Variants in ADCY5 observed in about 807,000 individuals in gnomAD.
ADCY5 encodes the protein adenylate cyclase type 5.
Under a neutral mutation model 119.7 loss-of-function variants are expected in ADCY5, and 30 were observed. The observed-to-expected ratio is 0.25, with a 90% CI of 0.19 to 0.34. The LOEUF is 0.34. Among genes scored for constraint, ADCY5 ranks in the 10% least tolerant of loss-of-function variants. The pLI is 1.00. For missense variants in ADCY5, 1,324 were observed against 1,775.2 expected (o/e 0.75, Z 4.57); for synonymous variants, 753 against 762.2 (o/e 0.99, Z 0.20).
chr3:123,361,030 G>A (rs891714951), intron 1 of ADCY5, among the ~76,000 whole-genome samples: 55 of 152,204 alleles, frequency 3.6e-4, no homozygotes, highest in East Asian at 1.2e-3. Flanking sequence ...CTACTCTACT[G>A]TACTAAGCTG....
chr3:123,374,037 G>C (rs1043925248), intron 1 of ADCY5, among the ~76,000 whole-genome samples: 3 of 152,162 alleles, frequency 2.0e-5, no homozygotes, highest in Non-Finnish European at 4.4e-5. Flanking sequence ...GGTTAAGGTA[G>C]AAAACACAGG....
chr3:123,439,616 C>A (rs1945688370), intron 1 of ADCY5, among the ~76,000 whole-genome samples: 1 of 149,502 alleles, frequency 6.7e-6, no homozygotes, highest in African/African-American at 2.5e-5. Context: ...TGGTACTATC[C>A]ACGATTTTAG....
intron 9 of ADCY5, among the ~76,000 whole-genome samples, chr3:123,320,304 G>A (rs1414246125): frequency 6.6e-6 from 1 of 152,198 alleles, no homozygotes; most frequent in Non-Finnish European, 1.5e-5. Flanking sequence ...TCATAGACTT[G>A]GAGTGCTGAC....
intron 19 of ADCY5, chr3:123,287,210 A>C: frequency 6.3e-6 from 1 of 159,998 alleles, no homozygotes; most frequent in Non-Finnish European, 1.4e-5. Context: ...TGCCCAACTC[A>C]TCGCCCTGTG....
chr3:123,321,375 C>A (rs1208347520), intron 8 of ADCY5, among the ~76,000 whole-genome samples: 1 of 152,166 alleles, frequency 6.6e-6, no homozygotes, highest in Admixed American at 6.5e-5. Context: ...AACCCACCTG[C>A]CACAGATCTG....
rs577676028 is a variant in ADCY5 at position 123,438,913 on chromosome 3, A to G, written c.1134+8499T>C. Among the ~76,000 whole-genome samples the G allele has an allele frequency of 9.9e-5, 15 of 151,620 alleles. No homozygotes were observed. In the East Asian group the frequency reaches 2.5e-3, roughly 26 times the overall value. ...AGGTGCGTTCCACCACACCTGATTA[A>G]CCTTTTTAAAAAATTTTTTGTAGAG... On this transcript the variant is annotated intron_variant, in intron 1 of 20. Coordinates refer to ENST00000462833, the MANE Select transcript of ADCY5 (RefSeq NM_183357.3).
chr3:123,381,064 C>G (rs1944015679), intron 1 of ADCY5, among the ~76,000 whole-genome samples: 1 of 152,158 alleles, frequency 6.6e-6, no homozygotes, highest in African/African-American at 2.4e-5. Context: ...ACAGCTTTCC[C>G]CATAGAGTGG....
chr3:123,367,816 C>A, intron 1 of ADCY5: 1 of 1,497,700 alleles, frequency 6.7e-7, no homozygotes, highest in South Asian at 1.3e-5. Flanking sequence ...CATTCCTCAC[C>A]TCTGGGGCTC....
At chr3:123,325,740 A>G (rs910443390) in intron 7 of ADCY5, among the ~76,000 whole-genome samples, 2 of 152,258 alleles carry the variant, frequency 1.3e-5, no homozygotes, top group Non-Finnish European at 2.9e-5. Flanking sequence ...GCTTGGGAAC[A>G]TCTGCCATTT....
intron 1 of ADCY5, among the ~76,000 whole-genome samples, chr3:123,422,673 C>T (rs1034415246): frequency 2.0e-5 from 3 of 152,164 alleles, no homozygotes; most frequent in African/African-American, 4.8e-5. Context: ...CTCCTCAACC[C>T]CAGCCAGAAT....
Position 123,304,082 on chromosome 3 carries a change from C to A in ADCY5, c.2544G>T (p.Ala848=). ...AGCCACCCACCATGTTGACAAAAGCCGCCAGGAACACCAGGGTGATGGTGA... is the reference window on the plus strand; with the variant it reads ...AGCCACCCACCATGTTGACAAAAGCAGCCAGGAACACCAGGGTGATGGTGA... ...GVFTITLVFL[A]AFVNMFTCNS... is the part of the protein sequence containing the mutation. The change falls in exon 13 of 21, where the codon GCG becomes GCT. Residue 848 remains alanine (A), a synonymous_variant. Coordinates refer to ENST00000462833, the MANE Select transcript of ADCY5 (RefSeq NM_183357.3). 1 of 1,613,210 alleles carries A rather than the reference C, an allele frequency of 6.2e-7. No individual in the cohort carries two copies. The highest frequency in any genetic ancestry group is 8.5e-7 in the Non-Finnish European group (1 of 1,179,326).
At chr3:123,327,380 T>C (rs1217273919) in intron 7 of ADCY5, among the ~76,000 whole-genome samples, 4 of 152,232 alleles carry the variant, frequency 2.6e-5, no homozygotes, top group African/African-American at 9.6e-5. Flanking sequence ...TGATGTCTTG[T>C]TGCTAACTGA....
intron 14 of ADCY5, among the ~76,000 whole-genome samples, chr3:123,302,520 C>A (rs938170013): frequency 6.6e-6 from 1 of 152,126 alleles, no homozygotes; most frequent in African/African-American, 2.4e-5. Flanking sequence ...TCCTCTCTAA[C>A]AGCTGGGGCT....
At chr3:123,390,623 T>C (rs893944322) in intron 1 of ADCY5, among the ~76,000 whole-genome samples, 13 of 152,220 alleles carry the variant, frequency 8.5e-5, no homozygotes, top group Admixed American at 7.2e-4. Context: ...AAAGACACCA[T>C]GGAGTAAAGA....
chr3:123,347,276 G>T (rs966403448), intron 3 of ADCY5, among the ~76,000 whole-genome samples: 12 of 152,092 alleles, frequency 7.9e-5, no homozygotes, highest in African/African-American at 2.9e-4. Flanking sequence ...TAGCATACAT[G>T]AGCCATCTAT....
At chr3:123,351,439 A>G (rs993706704) in intron 2 of ADCY5, among the ~76,000 whole-genome samples, 3 of 152,212 alleles carry the variant, frequency 2.0e-5, no homozygotes, top group African/African-American at 7.2e-5. Flanking sequence ...TTCCATGTTC[A>G]TATCAGCCAT....
At chr3:123,290,924 A>G (rs1289595539) in intron 18 of ADCY5, among the ~76,000 whole-genome samples, 189 bp downstream of exon 18, 5 of 152,198 alleles carry the variant, frequency 3.3e-5, no homozygotes, top group Admixed American at 3.3e-4. Context: ...ATGATGAGAG[A>G]GGCCATGTGT....
chr3:123,318,929 C>T (rs144179448), intron 10 of ADCY5, among the ~76,000 whole-genome samples: 4 of 152,296 alleles, frequency 2.6e-5, no homozygotes, highest in South Asian at 4.1e-4. Flanking sequence ...CTTGACTGTC[C>T]CTGCCAACTT....
At chr3:123,401,859 G>A (rs148816149) in intron 1 of ADCY5, among the ~76,000 whole-genome samples, 2 of 152,192 alleles carry the variant, frequency 1.3e-5, no homozygotes, top group African/African-American at 4.8e-5. Context: ...GAAATATACC[G>A]AAAGACTCAG....
Sources: gnomAD v4.1 joint callset for allele counts (sites outside exome capture counted in the v4.1 genomes callset) on GRCh38, gnomAD v4.1.1 for gene constraint, MANE v1.5 for transcripts, NCBI Gene and HGNC (gene_info 2026-07-23, HGNC 2026-07-21) for gene names.